GMDS: variants seen among roughly 807,000 people sequenced by gnomAD.
The protein encoded by GMDS is GDP-mannose 4,6-dehydratase, also known as GDP-mannose 4,6 dehydratase.
GMDS carries 20 observed loss-of-function variants against 49.9 expected under a neutral mutation model. The ratio of observed to expected loss-of-function variants is 0.40; its 90% CI spans 0.28 to 0.58. The LOEUF (loss-of-function observed/expected upper bound fraction) is 0.58, where lower values mean the gene tolerates loss of function less well. Among genes scored for constraint, GMDS ranks in the 20% least tolerant of loss-of-function variants. The pLI is 0.42. For missense variants in GMDS, 362 were observed against 481.4 expected (o/e 0.75, Z 2.32); for synonymous variants, 177 against 178.6 (o/e 0.99, Z 0.07).
chr6:1,941,049 C>G (rs1036695665), intron 6 of GMDS, among the ~76,000 whole-genome samples: 3 of 133,132 alleles, frequency 2.3e-5, no homozygotes, highest in Non-Finnish European at 4.8e-5. Flanking sequence ...AACAACCCCA[C>G]AAAGACAAAA....
chr6:2,185,212 T>TG (rs1384783860), intron 1 of GMDS, among the ~76,000 whole-genome samples: 1 of 152,206 alleles, frequency 6.6e-6, no homozygotes, highest in African/African-American at 2.4e-5. Context: ...AAATGAAAGC[T>TG]GGGATACAAT....
intron 7 of GMDS, among the ~76,000 whole-genome samples, chr6:1,796,152 T>C (rs1296899689): frequency 3.3e-5 from 5 of 152,162 alleles, no homozygotes; most frequent in African/African-American, 4.8e-5. Context: ...TGGACAGGGC[T>C]CTGGGGAAGA....
chr6:2,098,944 C>A (rs757018393), intron 4 of GMDS, among the ~76,000 whole-genome samples: 22 of 152,024 alleles, frequency 1.4e-4, no homozygotes, highest in Non-Finnish European at 3.2e-4. Flanking sequence ...ATCCCTTATT[C>A]AAGTAAAAAA....
At chr6:2,158,555 C>T (rs528668656) in intron 1 of GMDS, among the ~76,000 whole-genome samples, 18 of 152,294 alleles carry the variant, frequency 1.2e-4, no homozygotes, top group Admixed American at 1.0e-3. Context: ...TTTCAGAAGA[C>T]ATCAAAATAG....
At chr6:1,870,781 G>T (rs575099200) in intron 7 of GMDS, among the ~76,000 whole-genome samples, 1 of 152,198 alleles carries the variant, frequency 6.6e-6, no homozygotes, top group East Asian at 1.9e-4. Context: ...ATTAAATTAA[G>T]CCATATTAAG....
intron 4 of GMDS, among the ~76,000 whole-genome samples, chr6:1,975,395 C>T (rs1346285903): frequency 2.0e-5 from 3 of 152,128 alleles, no homozygotes; most frequent in African/African-American, 7.2e-5. Context: ...GGAGAATGTT[C>T]CAGCTCCCAG....
At position 2,007,563 on chromosome 6, in the gene GMDS, CT is replaced by C. The variant is rs147231232; in HGVS notation, c.346-46598del. Among the ~76,000 whole-genome samples, 1,440 of 148,284 alleles carry C rather than the reference CT, an allele frequency of 9.7e-3. 8 individuals are homozygous for C. Among genetic ancestry groups the C allele is most frequent in the Non-Finnish European group, 0.016 (1,063 of 66,776 alleles). On this transcript the variant is annotated intron_variant, in intron 4 of 10. Coordinates refer to ENST00000380815, the MANE Select transcript of GMDS (RefSeq NM_001500.4). ...TGTTACTTTCAGTTTTTTCTTTTTT[CT>C]TTTTTTTTTAGTTTATTTAATTTTA...
chr6:2,111,992 T>C (rs1774572497), intron 4 of GMDS, among the ~76,000 whole-genome samples: 2 of 152,150 alleles, frequency 1.3e-5, no homozygotes, highest in South Asian at 4.1e-4. Context: ...ACCTGACAGA[T>C]GAGCAGTCTG....
chr6:2,189,151 G>A (rs1195715613), intron 1 of GMDS, among the ~76,000 whole-genome samples: 2 of 152,130 alleles, frequency 1.3e-5, no homozygotes, highest in African/African-American at 2.4e-5. Context: ...GACAAGGATA[G>A]ATAAGAAAAA....
chr6:2,013,181 A>T (rs375569574), intron 4 of GMDS, among the ~76,000 whole-genome samples: 1 of 152,252 alleles, frequency 6.6e-6, no homozygotes, highest in East Asian at 1.9e-4. Context: ...AGTAAGCCAC[A>T]GACTCTATTT....
intron 1 of GMDS, among the ~76,000 whole-genome samples, chr6:2,135,897 A>C (rs1297428227): frequency 1.3e-5 from 2 of 152,230 alleles, no homozygotes; most frequent in African/African-American, 2.4e-5. Flanking sequence ...GCAGTCAATG[A>C]ATTACATAAC....
intron 7 of GMDS, among the ~76,000 whole-genome samples, chr6:1,848,588 A>G (rs76239235): frequency 0.028 from 4,217 of 152,330 alleles, 188 homozygotes; most frequent in African/African-American, 0.095. Context: ...TGTGCCCAGC[A>G]GAATGCTGTA....
At chr6:2,129,571 G>C (rs1342328504) in intron 1 of GMDS, among the ~76,000 whole-genome samples, 2 of 152,086 alleles carry the variant, frequency 1.3e-5, no homozygotes, top group Non-Finnish European at 2.9e-5. Context: ...ATCATCTCAG[G>C]CATCAGGAAA....
At chr6:2,018,932 C>T (rs994934991) in intron 4 of GMDS, among the ~76,000 whole-genome samples, 2 of 152,016 alleles carry the variant, frequency 1.3e-5, no homozygotes, top group African/African-American at 2.4e-5. Context: ...AAAGTGGCTA[C>T]ATCACTTTAC....
chr6:1,783,303 T>G (rs1195784194), intron 7 of GMDS, among the ~76,000 whole-genome samples: 2 of 152,182 alleles, frequency 1.3e-5, no homozygotes, highest in Non-Finnish European at 2.9e-5. Context: ...ATCCCTTCCT[T>G]TGGGAGATCT....
chr6:1,897,510 A>C (rs1037391937), intron 7 of GMDS, among the ~76,000 whole-genome samples: 1 of 152,162 alleles, frequency 6.6e-6, no homozygotes, highest in African/African-American at 2.4e-5. Flanking sequence ...CGTGGAGTCC[A>C]GGTTCTGTCT....
chr6:1,815,438 G>A (rs1343895574), intron 7 of GMDS, among the ~76,000 whole-genome samples: 3 of 152,138 alleles, frequency 2.0e-5, no homozygotes, highest in African/African-American at 7.2e-5. Context: ...GGCTACATGT[G>A]GTCTCAACCT....
chr6:1,798,217 A>C (rs1471210150), intron 7 of GMDS, among the ~76,000 whole-genome samples: 2 of 145,382 alleles, frequency 1.4e-5, no homozygotes, highest in Non-Finnish European at 3.0e-5. Context: ...TTGATGTATA[A>C]ATTTACTTCT....
At chr6:1,678,932 C>T (rs915275458) in intron 9 of GMDS, among the ~76,000 whole-genome samples, 2 of 152,130 alleles carry the variant, frequency 1.3e-5, no homozygotes, top group Admixed American at 6.5e-5. Flanking sequence ...CAAGTACCTG[C>T]CATAGCACAT....
Sources: gnomAD v4.1 joint callset for allele counts (sites outside exome capture counted in the v4.1 genomes callset) on GRCh38, gnomAD v4.1.1 for gene constraint, MANE v1.5 for transcripts, NCBI Gene and HGNC (gene_info 2026-07-23, HGNC 2026-07-21) for gene names.